Variants in TMEM232 observed in about 807,000 individuals in gnomAD.
The protein encoded by TMEM232 is transmembrane protein 232.
Under a neutral mutation model 78.8 loss-of-function variants are expected in TMEM232, and 80 were observed. The observed-to-expected ratio is 1.01, with a 90% CI of 0.85 to 1.22. TMEM232 has a LOEUF of 1.22. TMEM232 is among the 50% of genes most tolerant of loss of function. The pLI, the probability that TMEM232 is intolerant of heterozygous loss-of-function variation, is 0.00. For missense variants in TMEM232, 881 were observed against 742.2 expected (o/e 1.19, Z -2.17); for synonymous variants, 297 against 254.3 (o/e 1.17, Z -1.60).
At chr5:110,437,340 C>A (rs1419097968) in intron 12 of TMEM232, among the ~76,000 whole-genome samples, 2 of 151,756 alleles carry the variant, frequency 1.3e-5, no homozygotes, top group African/African-American at 2.4e-5. Flanking sequence ...TAGAAAAAAA[C>A]ATACAGTGTA....
At chr5:110,698,242 C>T (rs1795033706) in intron 1 of TMEM232, among the ~76,000 whole-genome samples, 1 of 151,506 alleles carries the variant, frequency 6.6e-6, no homozygotes, top group South Asian at 2.1e-4. Flanking sequence ...ACAATGAGAA[C>T]ACATGGACAC....
chr5:110,512,332 A>G (rs1767891109), intron 12 of TMEM232, among the ~76,000 whole-genome samples: 1 of 152,214 alleles, frequency 6.6e-6, no homozygotes, highest in Admixed American at 6.5e-5. Context: ...AAAGTTCCAA[A>G]TAACTTTTGG....
At chr5:110,557,064 C>T (rs1775175423) in intron 11 of TMEM232, among the ~76,000 whole-genome samples, 1 of 152,006 alleles carries the variant, frequency 6.6e-6, no homozygotes. Context: ...AGGTTTTGTT[C>T]ATTCTTTGTA....
chr5:110,587,689 ATATGTGTGTGTGTGTG>A (rs1158465231), intron 10 of TMEM232, among the ~76,000 whole-genome samples: 820 of 53,154 alleles, frequency 0.015, 7 homozygotes, highest in African/African-American at 0.066. Flanking sequence ...ATATATATAT[ATATGTGTGTGTGTGTG>A]TGTGTGTGTG....
At chr5:110,702,131 G>A (rs1289912028) in intron 1 of TMEM232, among the ~76,000 whole-genome samples, 5 of 151,810 alleles carry the variant, frequency 3.3e-5, no homozygotes, top group African/African-American at 9.7e-5. Context: ...TTAAGCCCAC[G>A]TACTGAACAT....
intron 12 of TMEM232, among the ~76,000 whole-genome samples, chr5:110,505,216 C>T (rs896530105): frequency 2.6e-5 from 4 of 152,120 alleles, no homozygotes; most frequent in Admixed American, 6.6e-5. Context: ...AATACAAATA[C>T]AAGAAGGACA....
intron 12 of TMEM232, among the ~76,000 whole-genome samples, chr5:110,432,782 G>A (rs375247913): frequency 1.1e-4 from 16 of 151,810 alleles, no homozygotes; most frequent in African/African-American, 3.6e-4. Flanking sequence ...AAAGTAAAGG[G>A]ATGAATAAAG....
chr5:110,697,064 T>C (rs1794878867), intron 1 of TMEM232, among the ~76,000 whole-genome samples: 2 of 152,116 alleles, frequency 1.3e-5, no homozygotes, highest in South Asian at 4.1e-4. Flanking sequence ...AAGCCTACAG[T>C]AACCAAAACA....
At chr5:110,513,795 A>G (rs1768156027) in intron 12 of TMEM232, 1 of 166,990 alleles carries the variant, frequency 6.0e-6, no homozygotes, top group African/African-American at 2.4e-5. Flanking sequence ...TCCTCAATAA[A>G]TTAGAAATAG....
intron 12 of TMEM232, among the ~76,000 whole-genome samples, chr5:110,454,240 A>T (rs1760634736): frequency 6.6e-6 from 1 of 152,238 alleles, no homozygotes; most frequent in Non-Finnish European, 1.5e-5. Context: ...ACCAAGTTAG[A>T]CAATTTTCTG....
At chr5:110,577,053 G>A (rs1330213913) in intron 10 of TMEM232, among the ~76,000 whole-genome samples, 2 of 151,842 alleles carry the variant, frequency 1.3e-5, no homozygotes, top group East Asian at 3.9e-4. Context: ...TAAACTAAAC[G>A]GCTACTGCAC....
chr5:110,508,370 G>T (rs11960611), intron 12 of TMEM232, among the ~76,000 whole-genome samples: 2,940 of 150,394 alleles, frequency 0.02, 89 homozygotes, highest in African/African-American at 0.069. Flanking sequence ...TAAAAAACGA[G>T]GTAGGAAATG....
At chr5:110,717,504 A>G (rs1187421180) in intron 1 of TMEM232, among the ~76,000 whole-genome samples, 1 of 152,164 alleles carries the variant, frequency 6.6e-6, no homozygotes, top group Admixed American at 6.6e-5. Context: ...CTGACAACAA[A>G]GATAGCAAAA....
intron 1 of TMEM232, among the ~76,000 whole-genome samples, chr5:110,717,606 G>C (rs1797148313): frequency 6.6e-6 from 1 of 152,096 alleles, no homozygotes; most frequent in Non-Finnish European, 1.5e-5. Context: ...ATTTGGCTCT[G>C]TCCCCACCCA....
At chr5:110,508,056 A>G (rs17132176) in intron 12 of TMEM232, among the ~76,000 whole-genome samples, 5,800 of 152,280 alleles carry the variant, frequency 0.038, 378 homozygotes, top group African/African-American at 0.13. Flanking sequence ...ATGGTTTAGT[A>G]AAATTTCCAC....
chr5:110,508,215 A>C (rs1257423428), intron 12 of TMEM232, among the ~76,000 whole-genome samples: 2 of 152,100 alleles, frequency 1.3e-5, no homozygotes, highest in East Asian at 3.9e-4. Flanking sequence ...ATCACTTCAG[A>C]TATGATGGAT....
intron 9 of TMEM232, 88 bp downstream of exon 9, chr5:110,606,076 C>G: frequency 7.7e-7 from 1 of 1,295,120 alleles, no homozygotes; most frequent in Non-Finnish European, 1.0e-6. Flanking sequence ...ATACTATATG[C>G]GCTAATACGA....
intron 10 of TMEM232, among the ~76,000 whole-genome samples, chr5:110,569,225 G>A (rs920676366): frequency 1.3e-5 from 2 of 151,794 alleles, no homozygotes; most frequent in Non-Finnish European, 2.9e-5. Context: ...TCCTCTTCTA[G>A]AACTTATATA....
chr5:110,694,909 C>T (rs114623234), intron 1 of TMEM232, among the ~76,000 whole-genome samples: 1,781 of 152,254 alleles, frequency 0.012, 43 homozygotes, highest in African/African-American at 0.04. Flanking sequence ...AGAAAGTTCA[C>T]AAGGATATCC....
Sources: gnomAD v4.1 joint callset for allele counts (sites outside exome capture counted in the v4.1 genomes callset) on GRCh38, gnomAD v4.1.1 for gene constraint, MANE v1.5 for transcripts, NCBI Gene and HGNC (gene_info 2026-07-23, HGNC 2026-07-21) for gene names.